The following ERCC6L2 variants were observed in gnomAD, a reference collection of about 807,000 sequenced individuals.
ERCC6L2 encodes the protein DNA excision repair protein ERCC-6-like 2.
Under a neutral mutation model 132.0 loss-of-function variants are expected in ERCC6L2, and 77 were observed. The ratio of observed to expected loss-of-function variants is 0.58; its 90% CI spans 0.49 to 0.71. The LOEUF is 0.71. Ranked by LOEUF, ERCC6L2 falls within the 30% of genes least tolerant of loss-of-function variation. The pLI is 0.00. For missense variants in ERCC6L2, 1,542 were observed against 1,837.6 expected, an observed-to-expected ratio of 0.84 and a Z score of 2.94; for synonymous variants, 583 against 632.4, an observed-to-expected ratio of 0.92 and a Z score of 1.17.
chr9:96,025,651 A>T (rs1456656448), intron 19 of ERCC6L2: 1 of 152,250 alleles, frequency 6.6e-6, no homozygotes, highest in African/African-American at 2.4e-5. Context: ...TTTTGTCAAG[A>T]TGATTTGATT....
intron 11 of ERCC6L2, among the ~76,000 whole-genome samples, chr9:95,937,176 T>G (rs1830595271): frequency 6.6e-6 from 1 of 152,172 alleles, no homozygotes; most frequent in Non-Finnish European, 1.5e-5. Flanking sequence ...AGTTGCGTAT[T>G]TCGTTTTATA....
At chr9:95,968,004 C>T (rs1832239990) in intron 14 of ERCC6L2, 2 of 152,108 alleles carry the variant, frequency 1.3e-5, no homozygotes, top group South Asian at 4.1e-4. Flanking sequence ...ATCAGAATAA[C>T]CACCTATTTC....
chr9:96,014,729 T>A lies in ERCC6L2; in HGVS notation c.*1526T>A, dbSNP rs911868219. 6.6e-6 allele frequency among the ~76,000 whole-genome samples: 1 copy of A among 152,152 alleles called. No homozygotes were observed. Among genetic ancestry groups the A allele is most frequent in the East Asian group, 1.9e-4 (1 of 5,178 alleles). ...AAAACGCTGTTTTAAATTATATGAGTTCGTCATTTGTTTGCTCTGTGCAGC... is the reference window on the plus strand; with the variant it reads ...AAAACGCTGTTTTAAATTATATGAGATCGTCATTTGTTTGCTCTGTGCAGC... On this transcript the variant is annotated 3_prime_UTR_variant, in exon 19 of 19. Coordinates refer to ENST00000653738, the MANE Select transcript of ERCC6L2 (RefSeq NM_020207.7).
chr9:95,887,482 G>A (rs568583922), intron 2 of ERCC6L2, among the ~76,000 whole-genome samples: 44 of 152,304 alleles, frequency 2.9e-4, no homozygotes, highest in Middle Eastern at 6.8e-3. Flanking sequence ...AGCAGATGCA[G>A]TAATATGTCT....
chr9:95,914,818 TA>T (rs759592187), intron 4 of ERCC6L2, among the ~76,000 whole-genome samples: 9 of 152,206 alleles, frequency 5.9e-5, no homozygotes, highest in Admixed American at 2.0e-4. Context: ...TAATTGACTA[TA>T]AGTTTTGTGT....
chr9:95,930,728 G>A (rs918512642), intron 11 of ERCC6L2, among the ~76,000 whole-genome samples: 5 of 152,000 alleles, frequency 3.3e-5, no homozygotes, highest in South Asian at 4.2e-4. Context: ...CCTGGATCCC[G>A]TGTCTTCTTC....
intron 19 of ERCC6L2, among the ~76,000 whole-genome samples, chr9:96,028,513 G>T (rs1033301205): frequency 6.6e-6 from 1 of 152,202 alleles, no homozygotes; most frequent in Non-Finnish European, 1.5e-5. Context: ...CGCAACAGAG[G>T]TAGGAACCCT....
At chr9:95,988,646 G>GA (rs1215353381) in intron 17 of ERCC6L2, among the ~76,000 whole-genome samples, 10 of 151,984 alleles carry the variant, frequency 6.6e-5, no homozygotes, top group South Asian at 4.2e-4. Flanking sequence ...TGTTGAGTGG[G>GA]AAAAAAAATC....
chr9:96,037,809 G>T (rs903582625), intron 19 of ERCC6L2, among the ~76,000 whole-genome samples: 4 of 152,044 alleles, frequency 2.6e-5, no homozygotes, highest in African/African-American at 9.7e-5. Flanking sequence ...GCAGGGAGAA[G>T]GAGGAGCCAG....
At chr9:95,995,255 A>G (rs1833433656) in intron 17 of ERCC6L2, among the ~76,000 whole-genome samples, 1 of 152,232 alleles carries the variant, frequency 6.6e-6, no homozygotes, top group African/African-American at 2.4e-5. Flanking sequence ...TTCAATGAAA[A>G]TAATGCAACT....
intron 19 of ERCC6L2, chr9:96,038,808 G>T: frequency 2.2e-6 from 1 of 455,730 alleles, no homozygotes; most frequent in Non-Finnish European, 4.4e-6. Context: ...AATGGGGGCT[G>T]GACTTAACGA....
In ERCC6L2 at chr9:96,013,896, C is replaced by T. The variant is rs966371997; in HGVS notation, c.*693C>T. 7.2e-5 allele frequency: 11 copies of T among 152,052 alleles called. No homozygotes were observed. Among genetic ancestry groups the T allele is most frequent in the Admixed American group, 2.0e-4 (3 of 15,276 alleles). 9.4% of individuals were successfully genotyped at this position (152,052 alleles called of 1,614,324 possible). A position where few individuals can be genotyped will look rare whatever the true frequency, so the allele number is the denominator to read the frequency against. The stretch of plus-strand genomic sequence containing the variant: ...ACCAGTGCCTCAACTTTTTATGTAC[C>T]TATTGTGATTTAATGTAAATAAAGG... On this transcript the variant is annotated 3_prime_UTR_variant, in exon 19 of 19. Transcript: ENST00000653738.
chr9:95,926,599 G>A (rs1433046982), intron 9 of ERCC6L2, among the ~76,000 whole-genome samples: 2 of 152,126 alleles, frequency 1.3e-5, no homozygotes, highest in African/African-American at 4.8e-5. Context: ...ACAGTAAAAA[G>A]AACAGTGGTT....
intron 11 of ERCC6L2, among the ~76,000 whole-genome samples, chr9:95,935,153 G>T (rs116900262): frequency 9.2e-5 from 14 of 152,254 alleles, no homozygotes; most frequent in Non-Finnish European, 1.8e-4. Context: ...GTTTATGTGT[G>T]AAGATTCATA....
chr9:95,876,939 G>A (rs998457242), intron 1 of ERCC6L2: 1 of 152,180 alleles, frequency 6.6e-6, no homozygotes, highest in African/African-American at 2.4e-5. Flanking sequence ...TGGATATTGT[G>A]ACTGGGAGGC....
intron 1 of ERCC6L2, among the ~76,000 whole-genome samples, chr9:95,877,804 AAAAAAAAAAAG>A (rs200933504): frequency 0.014 from 2,086 of 146,000 alleles, 48 homozygotes; most frequent in African/African-American, 0.05. Flanking sequence ...ACTCTTGTCT[AAAAAAAAAAAG>A]AAAAAAAAAA....
intron 13 of ERCC6L2, among the ~76,000 whole-genome samples, chr9:95,959,070 G>T (rs914345256): frequency 1.3e-5 from 2 of 152,092 alleles, no homozygotes; most frequent in African/African-American, 4.8e-5. Flanking sequence ...GCATCGCCAA[G>T]TCTCAATCCT....
chr9:95,881,643 C>T (rs1412600418), intron 2 of ERCC6L2, among the ~76,000 whole-genome samples: 1 of 152,212 alleles, frequency 6.6e-6, no homozygotes, highest in Non-Finnish European at 1.5e-5. Context: ...TGTTATGCCA[C>T]ATAGCATGGT....
chr9:95,933,436 A>T (rs534030532), intron 11 of ERCC6L2, among the ~76,000 whole-genome samples: 2 of 152,214 alleles, frequency 1.3e-5, no homozygotes, highest in African/African-American at 2.4e-5. Context: ...TGAACTTTCA[A>T]TCAGGACATT....
Sources: gnomAD v4.1 joint callset for allele counts (sites outside exome capture counted in the v4.1 genomes callset) on GRCh38, gnomAD v4.1.1 for gene constraint, MANE v1.5 for transcripts, NCBI Gene and HGNC (gene_info 2026-07-23, HGNC 2026-07-21) for gene names.